PPIA: variants seen among roughly 807,000 people sequenced by gnomAD.
PPIA encodes the protein peptidyl-prolyl cis-trans isomerase A.
PPIA carries 2 observed loss-of-function variants against 15.3 expected under a neutral mutation model. That is an observed-to-expected ratio of 0.13 (90% CI 0.05 to 0.41). The LOEUF is 0.41. Ranked by LOEUF, PPIA falls within the 10% of genes least tolerant of loss-of-function variation. The pLI, the probability that PPIA is intolerant of heterozygous loss-of-function variation, is 0.99. For missense variants in PPIA, 103 were observed against 210.3 expected, an observed-to-expected ratio of 0.49 and a Z score of 3.16; for synonymous variants, 67 against 73.1, an observed-to-expected ratio of 0.92 and a Z score of 0.43.
At chr7:44,796,849 G>T in intron 1 of PPIA, 56 bp downstream of exon 1, 2 of 1,542,952 alleles carry the variant, frequency 1.3e-6, no homozygotes, top group Admixed American at 3.6e-5. Context: ...CGGGGTCGGG[G>T]TGGGTGGTAG....
At chr7:44,798,601 A>G (rs1792453092) in intron 1 of PPIA, 4 of 360,100 alleles carry the variant, frequency 1.1e-5, no homozygotes, top group Non-Finnish European at 1.5e-5. Context: ...ATAAAATGCT[A>G]CTTTTAAACA....
At position 44,796,716 on chromosome 7, in the gene PPIA, C is replaced by T. The variant is rs755967080; in HGVS notation, c.-9C>T. On this transcript the variant is annotated 5_prime_UTR_variant, in exon 1 of 5. Coordinates refer to ENST00000468812, the MANE Select transcript of PPIA (RefSeq NM_021130.5). The stretch of plus-strand genomic sequence containing the variant: ...CGCCACCGCCGAGGAAAACCGTGTA[C>T]TATTAGCCATGGTCAACCCCACCGT... 159 of 1,610,106 alleles carry T rather than the reference C, an allele frequency of 9.9e-5. No homozygotes were observed. Among genetic ancestry groups the T allele is most frequent in the Middle Eastern group, 7.7e-4 (4 of 5,206 alleles).
At chr7:44,800,196 C>T (rs1017787995) in intron 4 of PPIA, among the ~76,000 whole-genome samples, 5 of 152,214 alleles carry the variant, frequency 3.3e-5, no homozygotes, top group Non-Finnish European at 4.4e-5. Flanking sequence ...TCAAGCGATT[C>T]TCCTGCCTTG....
intron 4 of PPIA, among the ~76,000 whole-genome samples, chr7:44,800,712 C>T (rs1792526308): frequency 6.6e-6 from 1 of 151,632 alleles, no homozygotes; most frequent in African/African-American, 2.4e-5. Context: ...TTAAGTGCTG[C>T]TTTTATGTTA....
At chr7:44,801,178 G>C (rs1310336269) in intron 4 of PPIA, 109 bp from the exon 5 acceptor site, 1 of 1,210,636 alleles carries the variant, frequency 8.3e-7, no homozygotes, top group Non-Finnish European at 1.1e-6. Context: ...AGTACAAAAG[G>C]CTTCAGTTAA....
intron 4 of PPIA, 84 bp downstream of exon 4, chr7:44,799,958 A>G: frequency 2.1e-6 from 3 of 1,417,396 alleles, no homozygotes; most frequent in Non-Finnish European, 9.7e-7. Flanking sequence ...ACTTTTCTTC[A>G]ACCTTTGCTT....
At chr7:44,799,088 A>G in intron 1 of PPIA, 159 bp from the exon 2 acceptor site, 1 of 1,076,716 alleles carries the variant, frequency 9.3e-7, no homozygotes, top group East Asian at 2.6e-5. Flanking sequence ...AACTGCCTGC[A>G]GGGCCTTATG....
In PPIA at chr7:44,799,330, T is replaced by C. The variant is rs1792474662; in HGVS notation, c.100+53T>C. ...GATGTTCCAATTGTGACAGTTTGTG[T>C]GTGTGTGTGTATATATATATTTTTA... is the stretch of plus-strand genomic sequence containing the variant. On this transcript the variant is annotated intron_variant, in intron 2 of 4. Coordinates refer to ENST00000468812, the MANE Select transcript of PPIA (RefSeq NM_021130.5). 3 of 1,591,522 alleles carry C rather than the reference T, an allele frequency of 1.9e-6. No individual in the cohort carries two copies. The South Asian group carries it at 3.3e-5, about 18-fold the overall frequency.
rs777499763 is a variant in PPIA, at chr7:44,796,811, G to A, written c.69+18G>A. The A allele has an allele frequency of 1.0e-5, 16 of 1,599,632 alleles. No homozygotes were observed. Among genetic ancestry groups the A allele is most frequent in the East Asian group, 4.7e-5 (2 of 42,896 alleles). ...CCTTTGAGGTCGGGCGGGCGGCGGCGTGCGGGAATGGGGCCCAGAAAGTGG... is the reference window on the plus strand; with the variant it reads ...CCTTTGAGGTCGGGCGGGCGGCGGCATGCGGGAATGGGGCCCAGAAAGTGG... On this transcript the variant is annotated intron_variant, in intron 1 of 4. Transcript: ENST00000468812.
chr7:44,797,109 T>C (rs1362876110), intron 1 of PPIA, among the ~76,000 whole-genome samples: 1 of 152,144 alleles, frequency 6.6e-6, no homozygotes, highest in East Asian at 1.9e-4. Flanking sequence ...CGCGCTCAGG[T>C]CCGCGCCTTG....
At position 44,799,529 on chromosome 7, in the gene PPIA, G is replaced by C. The variant is rs970690305; in HGVS notation, c.189+49G>C. The C allele has an allele frequency of 4.4e-6, 7 of 1,593,092 alleles. No individual in the cohort carries two copies. In the Middle Eastern group the frequency reaches 5.0e-4, roughly 113 times the overall value. On this transcript the variant is annotated intron_variant, in intron 3 of 4. Coordinates refer to ENST00000468812, the MANE Select transcript of PPIA (RefSeq NM_021130.5). Reference sequence around the variant, plus strand: ...TTTATTTGGGTTGCTCCCTTCATTTGGGATTGAGCCAGAATATTTCAGGAT... The same window carrying C: ...TTTATTTGGGTTGCTCCCTTCATTTCGGATTGAGCCAGAATATTTCAGGAT...
rs17860054 is a variant in PPIA at position 44,797,193 on chromosome 7, G to A, written c.69+400G>A. ...GCCAGAAGCACGCTCGCGGGGGCTT[G>A]CGACCGCCTTCCTGGGAAGCTGTCC... is the stretch of plus-strand genomic sequence containing the variant. On this transcript the variant is annotated intron_variant, in intron 1 of 4. Transcript: ENST00000468812. Among the ~76,000 whole-genome samples the A allele has an allele frequency of 3.1e-3, 467 of 152,306 alleles. 10 individuals are homozygous for A. In the East Asian group the frequency reaches 0.044, roughly 14 times the overall value.
intron 1 of PPIA, chr7:44,798,287 G>A (rs992018536): frequency 6.6e-6 from 1 of 152,188 alleles, no homozygotes; most frequent in Non-Finnish European, 1.5e-5. Context: ...TGGCCAGGCG[G>A]GCGGATCACG....
At chr7:44,799,002 T>C (rs1184215132) in intron 1 of PPIA, 3 of 1,165,534 alleles carry the variant, frequency 2.6e-6, no homozygotes, top group African/African-American at 1.6e-5. Flanking sequence ...TGAGACACTT[T>C]CTAGAAGTCT....
In PPIA at chr7:44,796,681, GT is replaced by G; in HGVS notation, c.-40del. The G allele has an allele frequency of 6.3e-7, 1 of 1,595,984 alleles. No homozygotes were observed. Among genetic ancestry groups the G allele is most frequent in the Non-Finnish European group, 8.6e-7 (1 of 1,166,788 alleles). Reference sequence around the variant, plus strand: ...AGGGGCGGGAGGCCAGGCTCGTGCCGTTTTGCAGACGCCACCGCCGAGGAAA... The same window carrying G: ...AGGGGCGGGAGGCCAGGCTCGTGCCGTTTGCAGACGCCACCGCCGAGGAAA... On this transcript the variant is annotated 5_prime_UTR_variant, in exon 1 of 5. Transcript: ENST00000468812.
At position 44,799,254 on chromosome 7, in the gene PPIA, C is replaced by T; in HGVS notation, c.77C>T (p.Ala26Val). ...TGTAATTTTCTCTTACAGCTGTTTG[C>T]AGACAAGGTCCCAAAGACAGCAGGT... ...PLGRVSFELF[A>V]DKVPKTAENF... is the part of the protein sequence containing the mutation. The change falls in exon 2 of 5, where the codon GCA becomes GTA. Residue 26 changes from alanine to valine, a missense_variant. By Grantham distance (64) the Ala-to-Val change is moderately conservative. Transcript: ENST00000468812. 1.2e-6 allele frequency: 2 copies of T among 1,613,536 alleles called. No homozygotes were observed. The highest frequency in any genetic ancestry group is 1.7e-6 in the Non-Finnish European group (2 of 1,179,830).
intron 4 of PPIA, among the ~76,000 whole-genome samples, chr7:44,800,990 T>C (rs1792539926): frequency 6.6e-6 from 1 of 152,062 alleles, no homozygotes; most frequent in Admixed American, 6.6e-5. Flanking sequence ...GCTAATTTTT[T>C]GTATTTTTAG....
chr7:44,798,686 T>TC (rs1189693048), intron 1 of PPIA: 1 of 928,046 alleles, frequency 1.1e-6, no homozygotes, highest in African/African-American at 1.8e-5. Context: ...TATTATACAT[T>TC]CAAGAAAGGT....
At chr7:44,800,616 C>G (rs1321114405) in intron 4 of PPIA, 1 of 153,154 alleles carries the variant, frequency 6.5e-6, no homozygotes, top group African/African-American at 2.4e-5. Flanking sequence ...CCAGGCTGGT[C>G]TCGAACTCCT....
Sources: gnomAD v4.1 joint callset for allele counts (sites outside exome capture counted in the v4.1 genomes callset) on GRCh38, gnomAD v4.1.1 for gene constraint, MANE v1.5 for transcripts, NCBI Gene and HGNC (gene_info 2026-07-23, HGNC 2026-07-21) for gene names.